CHRM3: variants seen among roughly 807,000 people sequenced by gnomAD.
The protein encoded by CHRM3 is muscarinic acetylcholine receptor M3.
Under a neutral mutation model 41.8 loss-of-function variants are expected in CHRM3, and 11 were observed. That is an observed-to-expected ratio of 0.26 (90% CI 0.17 to 0.44). The LOEUF is 0.44. Among genes scored for constraint, CHRM3 ranks in the 20% least tolerant of loss-of-function variants. The probability of loss-of-function intolerance (pLI) is 1.00; values close to 1 mark genes in which losing one functional copy is unlikely to be tolerated. For synonymous variants in CHRM3, 297 were observed against 301.4 expected (o/e 0.99, Z 0.15); for missense variants, 571 against 745.4 (o/e 0.77, Z 2.72).
intron 5 of CHRM3, among the ~76,000 whole-genome samples, chr1:239,823,741 G>T (rs575556394): frequency 1.3e-5 from 2 of 151,950 alleles, no homozygotes; most frequent in Non-Finnish European, 2.9e-5. Flanking sequence ...CCAAAAAAGC[G>T]AACAACTCAA....
intron 5 of CHRM3, among the ~76,000 whole-genome samples, chr1:239,797,096 A>G (rs1364323848): frequency 6.6e-6 from 1 of 152,220 alleles, no homozygotes; most frequent in Non-Finnish European, 1.5e-5. Context: ...GAATTAATGC[A>G]GAAACACAGA....
At chr1:239,505,173 G>GTTTTTT (rs1258684937) in intron 2 of CHRM3, among the ~76,000 whole-genome samples, 1 of 152,046 alleles carries the variant, frequency 6.6e-6, no homozygotes, top group Non-Finnish European at 1.5e-5. Context: ...GCTCATATAA[G>GTTTTTT]TTCTTGCCTC....
chr1:239,848,105 C>G (rs1020931164), intron 6 of CHRM3, among the ~76,000 whole-genome samples: 2 of 152,014 alleles, frequency 1.3e-5, no homozygotes, highest in Non-Finnish European at 2.9e-5. Flanking sequence ...ATACATTTGC[C>G]TAATTATAAT....
At chr1:239,737,602 T>C (rs1664495611) in intron 5 of CHRM3, among the ~76,000 whole-genome samples, 1 of 152,172 alleles carries the variant, frequency 6.6e-6, no homozygotes, top group Admixed American at 6.6e-5. Context: ...ATAACCACTT[T>C]CTTCTTGCAC....
In CHRM3 at chr1:239,533,334, A is replaced by G. The variant is rs528728839; in HGVS notation, c.-421-12307A>G. ...AGGTTTAATTGACTCACAGTTCCAC[A>G]TGGCTGGGGAGGCCTCAGGAAACTT... On this transcript the variant is annotated intron_variant, in intron 2 of 6. Coordinates refer to ENST00000676153, the MANE Select transcript of CHRM3 (RefSeq NM_001375978.1). Among the ~76,000 whole-genome samples, 5 of 152,112 alleles carry G rather than the reference A, an allele frequency of 3.3e-5. No homozygotes were observed. The South Asian group carries it at 1.0e-3, about 31-fold the overall frequency.
intron 5 of CHRM3, among the ~76,000 whole-genome samples, chr1:239,724,980 T>A (rs557828987): frequency 6.6e-6 from 1 of 152,000 alleles, no homozygotes; most frequent in African/African-American, 2.4e-5. Flanking sequence ...TTATATTTAA[T>A]CTTGTTACTA....
intron 5 of CHRM3, among the ~76,000 whole-genome samples, chr1:239,717,736 A>G (rs1181052565): frequency 1.3e-5 from 2 of 152,004 alleles, no homozygotes; most frequent in Non-Finnish European, 2.9e-5. Context: ...GCCACACACA[A>G]CAAAGAACCA....
intron 5 of CHRM3, among the ~76,000 whole-genome samples, chr1:239,757,013 T>A (rs1221945133): frequency 6.6e-6 from 1 of 152,178 alleles, no homozygotes; most frequent in Non-Finnish European, 1.5e-5. Flanking sequence ...TTAGTGGAAT[T>A]TAAAATAGAC....
chr1:239,651,152 G>A (rs1319379956), intron 4 of CHRM3, among the ~76,000 whole-genome samples: 1 of 151,912 alleles, frequency 6.6e-6, no homozygotes, highest in Non-Finnish European at 1.5e-5. Flanking sequence ...CCCTATCTTA[G>A]AAAAAAATAG....
intron 1 of CHRM3, among the ~76,000 whole-genome samples, chr1:239,478,466 G>A (rs1370621977): frequency 6.6e-6 from 1 of 151,990 alleles, no homozygotes; most frequent in African/African-American, 2.4e-5. Context: ...AGTATTATTA[G>A]ATTAAAAAAA....
intron 5 of CHRM3, among the ~76,000 whole-genome samples, chr1:239,771,911 A>C (rs148770030): frequency 2.6e-5 from 4 of 152,246 alleles, no homozygotes. Context: ...TAGGTCAAAC[A>C]GTAAACTACA....
intron 6 of CHRM3, among the ~76,000 whole-genome samples, chr1:239,827,968 T>C (rs564652364): frequency 6.6e-6 from 1 of 152,344 alleles, no homozygotes; most frequent in Admixed American, 6.5e-5. Flanking sequence ...TAGGAGACAA[T>C]TTAACTTTGT....
At position 239,470,630 on chromosome 1, in the gene CHRM3, G is replaced by C. The variant is rs146275527; in HGVS notation, c.-520-22079G>C. Among the ~76,000 whole-genome samples, 1,434 of 152,270 alleles carry C rather than the reference G, an allele frequency of 9.4e-3. 17 individuals carry two copies. The highest frequency in any genetic ancestry group is 0.033 in the African/African-American group (1,361 of 41,560). On this transcript the variant is annotated intron_variant, in intron 1 of 6. Coordinates refer to ENST00000676153, the MANE Select transcript of CHRM3 (RefSeq NM_001375978.1). ...TTTCCCCTGCCTTCTTCCTCGGACT[G>C]TTCCATAGTATGATTTCCTCTTGCA...
At chr1:239,441,007 T>C (rs1663675705) in intron 1 of CHRM3, among the ~76,000 whole-genome samples, 1 of 152,180 alleles carries the variant, frequency 6.6e-6, no homozygotes, top group African/African-American at 2.4e-5. Context: ...CTTAGTGCTC[T>C]TAGTGTTGAC....
At chr1:239,851,306 C>G (rs1674677280) in intron 6 of CHRM3, among the ~76,000 whole-genome samples, 1 of 152,140 alleles carries the variant, frequency 6.6e-6, no homozygotes, top group African/African-American at 2.4e-5. Flanking sequence ...TTCCATCACT[C>G]TGAAAGATCC....
rs946966958 is a variant in CHRM3, at chr1:239,869,533, A to T, written c.-19-37900A>T. ...AAGTGGTCTCTGCCTGGGCTACAGA[A>T]TCAGCCACAGGAGTCAAAGTCCCCT... On this transcript the variant is annotated intron_variant, in intron 6 of 6. Coordinates refer to ENST00000676153, the MANE Select transcript of CHRM3 (RefSeq NM_001375978.1). Among the ~76,000 whole-genome samples the T allele has an allele frequency of 2.6e-5, 4 of 151,974 alleles. No homozygotes were observed. The South Asian group carries it at 8.3e-4, about 32-fold the overall frequency.
intron 6 of CHRM3, among the ~76,000 whole-genome samples, chr1:239,838,162 AC>A (rs1352964540): frequency 6.6e-6 from 1 of 152,168 alleles, no homozygotes. Flanking sequence ...AATTCCAGGG[AC>A]TATATGATTA....
intron 2 of CHRM3, among the ~76,000 whole-genome samples, chr1:239,513,169 CAT>C (rs1322285466): frequency 1.4e-4 from 22 of 152,272 alleles, no homozygotes; most frequent in East Asian, 3.9e-4. Flanking sequence ...TAGTGTGAAA[CAT>C]AGTAGAAGAC....
chr1:239,473,761 A>T (rs1414587980), intron 1 of CHRM3, among the ~76,000 whole-genome samples: 1 of 152,108 alleles, frequency 6.6e-6, no homozygotes, highest in African/African-American at 2.4e-5. Context: ...TAAAGTAAAT[A>T]AAGAGGAATT....
Sources: allele counts gnomAD v4.1 joint callset (sites outside exome capture counted in the v4.1 genomes callset), GRCh38; gene constraint gnomAD v4.1.1; transcripts MANE v1.5; gene names NCBI Gene and HGNC (gene_info 2026-07-23, HGNC 2026-07-21).